Variants in AUTS2 observed in about 807,000 individuals in gnomAD.
The protein encoded by AUTS2 is autism susceptibility gene 2 protein.
Under a neutral mutation model 112.4 loss-of-function variants are expected in AUTS2, and 17 were observed. That is an observed-to-expected ratio of 0.15 (90% CI 0.10 to 0.23). The LOEUF is 0.23. Among genes scored for constraint, AUTS2 ranks in the 10% least tolerant of loss-of-function variants. The probability of loss-of-function intolerance (pLI) is 1.00; values close to 1 mark genes in which losing one functional copy is unlikely to be tolerated. For missense variants in AUTS2, 1,510 were observed against 1,701.6 expected, an observed-to-expected ratio of 0.89 and a Z score of 1.98; for synonymous variants, 751 against 702.7, an observed-to-expected ratio of 1.07 and a Z score of -1.09.
intron 5 of AUTS2, among the ~76,000 whole-genome samples, chr7:70,593,140 C>T (rs1253024435): frequency 1.3e-5 from 2 of 152,144 alleles, no homozygotes; most frequent in East Asian, 1.9e-4. Context: ...GCATGAACCA[C>T]CATGCCTGAC....
intron 1 of AUTS2, among the ~76,000 whole-genome samples, chr7:69,621,106 T>C (rs1218944192): frequency 6.6e-6 from 1 of 152,220 alleles, no homozygotes; most frequent in Non-Finnish European, 1.5e-5. Context: ...TTATTGAGTA[T>C]TGGGTATTCT....
intron 4 of AUTS2, among the ~76,000 whole-genome samples, chr7:70,264,255 T>C (rs1011439588): frequency 3.3e-5 from 5 of 152,182 alleles, no homozygotes; most frequent in African/African-American, 1.2e-4. Flanking sequence ...GTTGCCAGAC[T>C]GCAGTACAGT....
chr7:69,780,604 T>C (rs979573446), intron 1 of AUTS2, among the ~76,000 whole-genome samples: 1 of 152,232 alleles, frequency 6.6e-6, no homozygotes, highest in African/African-American at 2.4e-5. Context: ...CTGGTCACTG[T>C]GTGCCTGGCT....
intron 2 of AUTS2, among the ~76,000 whole-genome samples, chr7:70,045,149 A>G (rs1481046439): frequency 2.6e-5 from 4 of 152,154 alleles, no homozygotes; most frequent in East Asian, 3.9e-4. Context: ...GATCTTTTTC[A>G]TTGTAGTTTA....
At chr7:70,673,775 G>A (rs923577100) in intron 5 of AUTS2, among the ~76,000 whole-genome samples, 3 of 152,164 alleles carry the variant, frequency 2.0e-5, no homozygotes, top group African/African-American at 4.8e-5. Context: ...CTGGTGCCAA[G>A]TATTCTGTGT....
At chr7:70,597,908 G>T (rs1228344547) in intron 5 of AUTS2, among the ~76,000 whole-genome samples, 1 of 152,146 alleles carries the variant, frequency 6.6e-6, no homozygotes, top group African/African-American at 2.4e-5. Flanking sequence ...GATGATCAGG[G>T]ACTACCTTCT....
At chr7:69,848,872 C>T (rs1365049352) in intron 1 of AUTS2, among the ~76,000 whole-genome samples, 1 of 152,048 alleles carries the variant, frequency 6.6e-6, no homozygotes. Context: ...CCCCCGCCCC[C>T]CGCCACCACC....
intron 1 of AUTS2, among the ~76,000 whole-genome samples, chr7:69,772,689 C>T (rs1034351082): frequency 5.3e-5 from 8 of 152,150 alleles, no homozygotes; most frequent in African/African-American, 1.7e-4. Flanking sequence ...ATGCCTTGGC[C>T]TCCCAAAGTG....
chr7:69,723,133 C>T (rs148248897), intron 1 of AUTS2, among the ~76,000 whole-genome samples: 5 of 152,238 alleles, frequency 3.3e-5, no homozygotes, highest in East Asian at 3.9e-4. Flanking sequence ...ACTTTATCCC[C>T]GTTCTTACTG....
intron 1 of AUTS2, among the ~76,000 whole-genome samples, chr7:69,785,583 CAG>C (rs1156686910): frequency 2.0e-4 from 30 of 152,222 alleles, no homozygotes; most frequent in African/African-American, 6.0e-4. Flanking sequence ...AGACATAACT[CAG>C]GGGCTGTTTG....
intron 4 of AUTS2, among the ~76,000 whole-genome samples, chr7:70,368,856 T>C (rs1792707327): frequency 6.6e-6 from 1 of 152,062 alleles, no homozygotes; most frequent in Non-Finnish European, 1.5e-5. Context: ...AAAAATATGA[T>C]CCACCAAGAG....
At chr7:70,729,799 A>G (rs1403022558) in intron 6 of AUTS2, among the ~76,000 whole-genome samples, 1 of 152,178 alleles carries the variant, frequency 6.6e-6, no homozygotes, top group African/African-American at 2.4e-5. Context: ...TATAAGCACA[A>G]TGTCATGAAC....
intron 16 of AUTS2, chr7:70,785,520 T>C (rs1335488819): frequency 2.1e-6 from 1 of 467,092 alleles, no homozygotes; most frequent in East Asian, 6.7e-5. Flanking sequence ...TCTGCAAGTG[T>C]ACAGGCAGAT....
intron 1 of AUTS2, among the ~76,000 whole-genome samples, chr7:69,855,555 G>A (rs1421833514): frequency 6.6e-6 from 1 of 152,056 alleles, no homozygotes; most frequent in East Asian, 1.9e-4. Context: ...TTCCTTTACA[G>A]GGTTTCAGTT....
chr7:69,607,696 G>A (rs561839247), intron 1 of AUTS2, among the ~76,000 whole-genome samples: 4 of 151,978 alleles, frequency 2.6e-5, no homozygotes, highest in Non-Finnish European at 5.9e-5. Flanking sequence ...TATACCTCAC[G>A]GTGCCATACC....
chr7:69,930,592 G>T (rs1237096133), intron 2 of AUTS2, among the ~76,000 whole-genome samples: 1 of 152,116 alleles, frequency 6.6e-6, no homozygotes, highest in Non-Finnish European at 1.5e-5. Context: ...TGTTGTTTCA[G>T]GCAGGAGACT....
chr7:70,657,946 A>T (rs1261672200), intron 5 of AUTS2, among the ~76,000 whole-genome samples: 2 of 152,130 alleles, frequency 1.3e-5, no homozygotes, highest in African/African-American at 4.8e-5. Context: ...TGGCACATCC[A>T]AGCCTCTTTG....
intron 4 of AUTS2, among the ~76,000 whole-genome samples, chr7:70,419,420 A>G (rs1585123557): frequency 9.0e-6 from 1 of 111,538 alleles, no homozygotes; most frequent in Admixed American, 1.1e-4. Context: ...GAAAACTAAA[A>G]CCTACACACT....
chr7:70,473,042 C>T (rs1797452244), intron 5 of AUTS2, among the ~76,000 whole-genome samples: 1 of 152,178 alleles, frequency 6.6e-6, no homozygotes, highest in Non-Finnish European at 1.5e-5. Flanking sequence ...CTTTCATTTT[C>T]CCGTAATGCA....
Sources: allele counts gnomAD v4.1 joint callset (sites outside exome capture counted in the v4.1 genomes callset), GRCh38; gene constraint gnomAD v4.1.1; transcripts MANE v1.5; gene names NCBI Gene and HGNC (gene_info 2026-07-23, HGNC 2026-07-21).